The following AHR variants were observed in gnomAD, a reference collection of about 807,000 sequenced individuals.
AHR encodes the protein aryl hydrocarbon receptor, also known as AH-receptor.
A neutral mutation model predicts 86.8 loss-of-function variants in AHR; 40 were observed. The observed-to-expected ratio is 0.46, with a 90% CI of 0.36 to 0.60. AHR has a LOEUF of 0.60. Among genes scored for constraint, AHR ranks in the 20% least tolerant of loss-of-function variants. The pLI is 0.00. For missense variants in AHR, 1,001 were observed against 1,011.6 expected, an observed-to-expected ratio of 0.99 and a Z score of 0.14; for synonymous variants, 398 against 354.9, an observed-to-expected ratio of 1.12 and a Z score of -1.37.
intron 1 of AHR, among the ~76,000 whole-genome samples, chr7:17,300,411 C>A (rs1216183970): frequency 6.6e-6 from 1 of 152,216 alleles, no homozygotes; most frequent in Admixed American, 6.5e-5. Flanking sequence ...CTCCAACTAT[C>A]ACTAATGGGA....
intron 6 of AHR, among the ~76,000 whole-genome samples, chr7:17,333,708 G>A (rs1436255159): frequency 6.6e-6 from 1 of 151,848 alleles, no homozygotes; most frequent in Non-Finnish European, 1.5e-5. Flanking sequence ...TATCCCTTTA[G>A]AATATTTTTC....
At chr7:17,338,162 G>A (rs1415048584) in intron 9 of AHR, among the ~76,000 whole-genome samples, 20 of 147,176 alleles carry the variant, frequency 1.4e-4, no homozygotes, top group Non-Finnish European at 2.7e-4. Flanking sequence ...TCGCGCCACT[G>A]CACTCCAGCC....
intron 6 of AHR, among the ~76,000 whole-genome samples, chr7:17,333,558 G>T (rs1782322282): frequency 1.3e-5 from 2 of 151,912 alleles, no homozygotes; most frequent in Non-Finnish European, 2.9e-5. Context: ...GTTTACTTTA[G>T]GACTTTATCA....
At chr7:17,342,525 C>A (rs1028232987) in intron 10 of AHR, among the ~76,000 whole-genome samples, 1 of 152,050 alleles carries the variant, frequency 6.6e-6, no homozygotes, top group African/African-American at 2.4e-5. Flanking sequence ...TGAATATAAT[C>A]AATTCATTGA....
intron 1 of AHR, among the ~76,000 whole-genome samples, chr7:17,301,130 T>C (rs890780852): frequency 6.6e-6 from 1 of 152,122 alleles, no homozygotes; most frequent in African/African-American, 2.4e-5. Context: ...TTTGTTAGCA[T>C]AGATGTTTAT....
At position 17,339,184 on chromosome 7, in the gene AHR, T is replaced by C; in HGVS notation, c.1359T>C (p.Pro453=). The change falls in exon 10 of 11, where the codon CCT becomes CCC. Residue 453 remains proline, a synonymous_variant. Coordinates refer to ENST00000242057, the MANE Select transcript of AHR (RefSeq NM_001621.5). The part of the protein sequence containing the change: ...TSTLSKDSLN[P]SSLLAAMMQQ... ...CTCTAAGCAAGGACTCTCTCAATCCTAGTTCCCTCCTGGCTGCCATGATGC... is the reference window on the plus strand; with the variant it reads ...CTCTAAGCAAGGACTCTCTCAATCCCAGTTCCCTCCTGGCTGCCATGATGC... 1 of 1,614,214 alleles carries C rather than the reference T, an allele frequency of 6.2e-7. No individual in the cohort carries two copies. The highest frequency in any genetic ancestry group is 8.5e-7 in the Non-Finnish European group (1 of 1,180,028).
chr7:17,311,010 G>T (rs190565269), intron 2 of AHR, among the ~76,000 whole-genome samples: 1 of 152,262 alleles, frequency 6.6e-6, no homozygotes, highest in Non-Finnish European at 1.5e-5. Context: ...CCGTATCTCA[G>T]TTTTCTCAGC....
intron 2 of AHR, among the ~76,000 whole-genome samples, chr7:17,316,668 A>T (rs1201553120): frequency 6.6e-6 from 1 of 152,156 alleles, no homozygotes. Flanking sequence ...AACCTTAATG[A>T]ATTGTACCTA....
chr7:17,311,758 G>A (rs995776488), intron 2 of AHR, among the ~76,000 whole-genome samples: 1 of 152,128 alleles, frequency 6.6e-6, no homozygotes, highest in Non-Finnish European at 1.5e-5. Flanking sequence ...GAAGAGTTAC[G>A]CAGTATTCAG....
intron 4 of AHR, among the ~76,000 whole-genome samples, chr7:17,328,463 A>T (rs1275026575): frequency 1.3e-5 from 2 of 151,992 alleles, no homozygotes; most frequent in African/African-American, 4.8e-5. Context: ...TTGGAAGGGC[A>T]AGAACATCTT....
At chr7:17,332,777 T>C (rs1782314203) in intron 6 of AHR, among the ~76,000 whole-genome samples, 1 of 151,860 alleles carries the variant, frequency 6.6e-6, no homozygotes, top group Non-Finnish European at 1.5e-5. Context: ...GGAAAATATT[T>C]TTTATAAATT....
chr7:17,306,402 T>C (rs1444930702), intron 1 of AHR, among the ~76,000 whole-genome samples: 1 of 152,194 alleles, frequency 6.6e-6, no homozygotes, highest in Non-Finnish European at 1.5e-5. Context: ...ATCTGACATT[T>C]TAAAAGCTTC....
intron 2 of AHR, among the ~76,000 whole-genome samples, chr7:17,312,427 A>T (rs967720045): frequency 3.3e-5 from 5 of 152,230 alleles, no homozygotes; most frequent in Non-Finnish European, 4.4e-5. Flanking sequence ...ATCTAGACAG[A>T]TACATATAAA....
intron 1 of AHR, among the ~76,000 whole-genome samples, chr7:17,301,845 T>G (rs1421180891): frequency 6.6e-6 from 1 of 151,900 alleles, no homozygotes; most frequent in Non-Finnish European, 1.5e-5. Context: ...TGAAGCAACT[T>G]TACGTCCAAT....
At chr7:17,336,026 A>G (rs1782351615) in intron 9 of AHR, 2 of 357,820 alleles carry the variant, frequency 5.6e-6, no homozygotes, top group Admixed American at 9.4e-5. Flanking sequence ...TATCTTGGGC[A>G]TATGAAAGAC....
intron 1 of AHR, among the ~76,000 whole-genome samples, chr7:17,302,815 A>G (rs889300140): frequency 4.6e-5 from 7 of 151,494 alleles, no homozygotes; most frequent in African/African-American, 1.5e-4. Context: ...AAAAAAATAT[A>G]TATATATATA....
intron 1 of AHR, among the ~76,000 whole-genome samples, chr7:17,302,779 T>TA (rs1381166660): frequency 3.3e-5 from 5 of 151,288 alleles, no homozygotes; most frequent in Non-Finnish European, 5.9e-5. Flanking sequence ...CCTGTACTGC[T>TA]ACTCTCACAA....
chr7:17,331,024 G>A (rs1341727493), intron 6 of AHR, 138 bp downstream of exon 6: 1 of 886,794 alleles, frequency 1.1e-6, no homozygotes, highest in African/African-American at 1.7e-5. Context: ...GAGCTTCAGA[G>A]AGCTCACTTA....
chr7:17,326,884 G>A (rs1782235869), intron 3 of AHR, among the ~76,000 whole-genome samples: 1 of 152,032 alleles, frequency 6.6e-6, no homozygotes, highest in South Asian at 2.1e-4. Context: ...GTACCAAATT[G>A]AACTCAAGGA....
Sources: gnomAD v4.1 joint callset for allele counts (sites outside exome capture counted in the v4.1 genomes callset) on GRCh38, gnomAD v4.1.1 for gene constraint, MANE v1.5 for transcripts, NCBI Gene and HGNC (gene_info 2026-07-23, HGNC 2026-07-21) for gene names.